Variants in SLC2A13 observed in about 807,000 individuals in gnomAD.
SLC2A13 encodes the protein proton myo-inositol cotransporter.
SLC2A13 carries 32 observed loss-of-function variants against 64.4 expected under a neutral mutation model. The ratio of observed to expected loss-of-function variants is 0.50; its 90% CI spans 0.37 to 0.67. SLC2A13 has a LOEUF of 0.67. Among genes scored for constraint, SLC2A13 ranks in the 30% least tolerant of loss-of-function variants. SLC2A13 has a pLI of 0.00. For synonymous variants in SLC2A13, 338 were observed against 327.1 expected (o/e 1.03, Z -0.36); for missense variants, 743 against 829.2 (o/e 0.90, Z 1.28).
Position 39,951,320 on chromosome 12 carries a change from C to T in SLC2A13, c.971G>A (p.Arg324Gln), listed in dbSNP as rs139087177. 102 of 1,610,562 alleles carry T rather than the reference C, an allele frequency of 6.3e-5. No individual in the cohort carries two copies. Among genetic ancestry groups the T allele is most frequent in the Middle Eastern group, 1.7e-4 (1 of 6,056 alleles). ...CRMLSYPPTR[R>Q]ALIVGCGLQM... ...TAGGCCACAACCCACAATTAAAGCTCGGCGAGTTGGGGGATAACTCAGCAT... is the reference window on the plus strand; with the variant it reads ...TAGGCCACAACCCACAATTAAAGCTTGGCGAGTTGGGGGATAACTCAGCAT... The change falls in exon 4 of 10, where the codon CGA (arginine) becomes CAA (glutamine). Residue 324 changes from arginine (R) to glutamine (Q), a missense_variant. Around this residue, in one of 2 missense-constraint regions of SLC2A13, gnomAD observed 448 missense variants for 447.4 expected, o/e 1.00. Coordinates refer to ENST00000280871, the MANE Select transcript of SLC2A13 (RefSeq NM_052885.4).
At chr12:39,983,085 C>G (rs1389356379) in intron 3 of SLC2A13, among the ~76,000 whole-genome samples, 2 of 151,240 alleles carry the variant, frequency 1.3e-5, no homozygotes, top group African/African-American at 4.9e-5. Context: ...GGAAAGGATC[C>G]CCTATTTAAT....
At chr12:39,975,851 T>C (rs986514029) in intron 3 of SLC2A13, among the ~76,000 whole-genome samples, 1 of 152,228 alleles carries the variant, frequency 6.6e-6, no homozygotes, top group Non-Finnish European at 1.5e-5. Context: ...CAATAACGTA[T>C]ATTTGCTTAT....
At chr12:39,928,166 T>A (rs1945760107) in intron 4 of SLC2A13, among the ~76,000 whole-genome samples, 1 of 152,106 alleles carries the variant, frequency 6.6e-6, no homozygotes, top group South Asian at 2.1e-4. Context: ...ACTTCAATAG[T>A]CAAAAAACGC....
At chr12:40,037,199 C>A (rs1208130387) in intron 2 of SLC2A13, among the ~76,000 whole-genome samples, 2 of 152,154 alleles carry the variant, frequency 1.3e-5, no homozygotes, top group East Asian at 3.9e-4. Flanking sequence ...TTTCTTGTAA[C>A]AACTCAGGCC....
chr12:40,021,687 C>T (rs1042618634), intron 3 of SLC2A13, among the ~76,000 whole-genome samples: 6 of 152,158 alleles, frequency 3.9e-5, no homozygotes, highest in Non-Finnish European at 8.8e-5. Context: ...TTAAAGTTCA[C>T]CTAGTAAATG....
intron 7 of SLC2A13, chr12:39,819,751 A>C (rs1942439793): frequency 6.6e-6 from 1 of 152,466 alleles, no homozygotes; most frequent in Non-Finnish European, 1.5e-5. Context: ...CTTTCAATTA[A>C]ATGTACTGGC....
chr12:40,069,920 T>C (rs1192873980), intron 1 of SLC2A13, among the ~76,000 whole-genome samples: 1 of 152,154 alleles, frequency 6.6e-6, no homozygotes, highest in Admixed American at 6.6e-5. Flanking sequence ...GAGAGCTATT[T>C]GTCATTGTTA....
At chr12:39,903,018 A>G (rs1945175230) in intron 4 of SLC2A13, among the ~76,000 whole-genome samples, 2 of 152,148 alleles carry the variant, frequency 1.3e-5, no homozygotes, top group Non-Finnish European at 2.9e-5. Flanking sequence ...AAGTTAAATT[A>G]CTGTGCTCAG....
At chr12:40,082,641 T>C (rs1938448766) in intron 1 of SLC2A13, among the ~76,000 whole-genome samples, 1 of 152,160 alleles carries the variant, frequency 6.6e-6, no homozygotes, top group South Asian at 2.1e-4. Flanking sequence ...TAAAGCCACC[T>C]AGAGGAGTAC....
rs1940804607 is a variant in SLC2A13, at chr12:39,777,112, CAAG to C, written c.1446-12257_1446-12255del. On this transcript the variant is annotated intron_variant, in intron 7 of 9. Transcript: ENST00000280871. ...ATTCGGAATCTGCGTCCTTGTCACTCAAGAAAAAACAAACTTAGTTTTTCATAT... is the reference window on the plus strand; with the variant it reads ...ATTCGGAATCTGCGTCCTTGTCACTCAAAAAACAAACTTAGTTTTTCATAT... Among the ~76,000 whole-genome samples, 3 of 152,126 alleles carry C rather than the reference CAAG, an allele frequency of 2.0e-5. No homozygotes were observed. The South Asian group carries it at 6.2e-4, about 31-fold the overall frequency.
At chr12:39,766,569 C>G (rs1001758817) in intron 7 of SLC2A13, among the ~76,000 whole-genome samples, 6 of 151,948 alleles carry the variant, frequency 3.9e-5, no homozygotes, top group Admixed American at 2.0e-4. Context: ...GGGAAGTTTG[C>G]AAAATTGACT....
At chr12:39,808,347 C>T (rs1394622418) in intron 7 of SLC2A13, among the ~76,000 whole-genome samples, 3 of 152,048 alleles carry the variant, frequency 2.0e-5, no homozygotes, top group Non-Finnish European at 4.4e-5. Flanking sequence ...ATCCACTCAC[C>T]TGTTGAAGTA....
intron 3 of SLC2A13, among the ~76,000 whole-genome samples, chr12:39,999,327 T>A (rs944191350): frequency 1.8e-4 from 27 of 152,314 alleles, no homozygotes; most frequent in African/African-American, 6.5e-4. Context: ...CATATTTTTC[T>A]TCTTGCAGAG....
chr12:39,942,163 T>A (rs1281045598), intron 4 of SLC2A13, among the ~76,000 whole-genome samples: 1 of 152,214 alleles, frequency 6.6e-6, no homozygotes, highest in Non-Finnish European at 1.5e-5. Flanking sequence ...GATTTGTTCT[T>A]TTTGCTTAGT....
rs376739998 is a variant in SLC2A13 at position 39,904,714 on chromosome 12, A to C, written c.1035-32753T>G. On this transcript the variant is annotated intron_variant, in intron 4 of 9. Transcript: ENST00000280871. ...TTATATGCCCTGCTTTGCTGCAACCAAGTAAACTAGACTACAAGCCACAGG... is the reference window on the plus strand; with the variant it reads ...TTATATGCCCTGCTTTGCTGCAACCCAGTAAACTAGACTACAAGCCACAGG... Among the ~76,000 whole-genome samples, 3 of 152,134 alleles carry C rather than the reference A, an allele frequency of 2.0e-5. No individual in the cohort carries two copies. The East Asian group carries it at 5.8e-4, about 29-fold the overall frequency.
chr12:39,943,191 C>A (rs556742001), intron 4 of SLC2A13, among the ~76,000 whole-genome samples: 24 of 152,310 alleles, frequency 1.6e-4, no homozygotes, highest in African/African-American at 5.5e-4. Context: ...TGTCTGTCGA[C>A]CCCTGCTGGG....
intron 3 of SLC2A13, among the ~76,000 whole-genome samples, chr12:40,027,801 C>A (rs1947840864): frequency 6.6e-6 from 1 of 152,204 alleles, no homozygotes; most frequent in Non-Finnish European, 1.5e-5. Context: ...TTACCCAAAT[C>A]AGACTGTCAA....
chr12:39,861,083 CCTTA>C (rs1943747064), intron 6 of SLC2A13, among the ~76,000 whole-genome samples: 1 of 152,226 alleles, frequency 6.6e-6, no homozygotes. Flanking sequence ...TTGCCACGTT[CCTTA>C]CTGCCTTGCA....
intron 4 of SLC2A13, among the ~76,000 whole-genome samples, chr12:39,937,179 TC>T (rs1185092508): frequency 6.6e-6 from 1 of 152,168 alleles, no homozygotes; most frequent in Non-Finnish European, 1.5e-5. Flanking sequence ...AAATAGAACT[TC>T]CTCACATCTT....
Sources: gnomAD v4.1 joint callset for allele counts (sites outside exome capture counted in the v4.1 genomes callset) on GRCh38, gnomAD v4.1.1 for gene constraint, gnomAD v4.1.1 regional missense constraint, MANE v1.5 for transcripts, NCBI Gene and HGNC (gene_info 2026-07-23, HGNC 2026-07-21) for gene names.